Variants in MESD observed in about 807,000 individuals in gnomAD.
The protein encoded by MESD is mesoderm development LRP chaperone.
Under a neutral mutation model 12.9 loss-of-function variants are expected in MESD, and 7 were observed. The ratio of observed to expected loss-of-function variants is 0.54; its 90% CI spans 0.31 to 1.02. The LOEUF (loss-of-function observed/expected upper bound fraction) is 1.02. Among genes scored for constraint, MESD ranks in the 50% least tolerant of loss-of-function variants. The pLI is 0.05. For synonymous variants in MESD, 126 were observed against 115.6 expected, an observed-to-expected ratio of 1.09 and a Z score of -0.58; for missense variants, 342 against 296.7, an observed-to-expected ratio of 1.15 and a Z score of -1.12.
At chr15:80,975,185 A>G (rs540060695), downstream of MESD, among the ~76,000 whole-genome samples, 3 of 148,874 alleles carry the variant, frequency 2.0e-5, no homozygotes, top group Non-Finnish European at 4.5e-5. Context: ...CCCAGGCAAC[A>G]TGGTGAGACA....
rs571856723 is a variant in MESD at position 80,981,957 on chromosome 15, C to T, written c.439G>A (p.Val147Ile). The change falls in exon 2 of 3, where the codon GTC becomes ATC. Residue 147 changes from valine to isoleucine, a missense_variant. Physicochemically the swap from Val to Ile is conservative, Grantham distance 29 (BLOSUM62 3). Coordinates refer to ENST00000261758, the MANE Select transcript of MESD (RefSeq NM_015154.3). ...QGSLFNANYD[V>I]QRFIVGSDRA... Reference sequence around the variant, plus strand: ...TGGTTGTTGCTGCTTTACCTCTGGACGTCATAGTTGGCATTGAAAAGGCTG... The same window carrying T: ...TGGTTGTTGCTGCTTTACCTCTGGATGTCATAGTTGGCATTGAAAAGGCTG... The T allele has an allele frequency of 1.9e-6, 3 of 1,611,230 alleles. No individual in the cohort carries two copies. The highest frequency in any genetic ancestry group is 1.1e-5 in the South Asian group (1 of 91,020).
At chr15:80,963,611 C>T (rs531687339) in intron 3 of MESD, among the ~76,000 whole-genome samples, 1 of 152,308 alleles carries the variant, frequency 6.6e-6, no homozygotes, top group East Asian at 1.9e-4. Context: ...TCCAGCAGCA[C>T]ATCAGAAAGT....
Position 80,977,001 on chromosome 15 carries a change from C to A in MESD, c.*2218G>T, listed in dbSNP as rs1173262677. On this transcript the variant is annotated 3_prime_UTR_variant, in exon 3 of 3. Coordinates refer to ENST00000261758, the MANE Select transcript of MESD (RefSeq NM_015154.3). ...AGTGCAACCTGGACTGCCTTTCACA[C>A]CCACCCCATCACAATTAAGATCCAC... is the stretch of plus-strand genomic sequence containing the variant. 6.5e-6 allele frequency: 1 copy of A among 152,774 alleles called. No individual in the cohort carries two copies. The highest frequency in any genetic ancestry group is 2.4e-5 in the African/African-American group (1 of 41,466). The allele number at this position is 152,774 out of a possible 1,614,324, so 9.5% of individuals were successfully genotyped here.
downstream of MESD, among the ~76,000 whole-genome samples, chr15:80,973,362 C>A (rs1902332147): frequency 6.6e-6 from 1 of 151,988 alleles, no homozygotes; most frequent in Non-Finnish European, 1.5e-5. Flanking sequence ...AAAACAACAA[C>A]AACAACAACA....
chr15:80,972,799 G>T (rs1028944301), downstream of MESD, among the ~76,000 whole-genome samples: 1 of 152,208 alleles, frequency 6.6e-6, no homozygotes, highest in East Asian at 1.9e-4. Context: ...GAGGTGGGTT[G>T]ATCACGAGGT....
At chr15:80,948,515 T>A in exon 5 of MESD, 1 of 475,472 alleles carries the variant, frequency 2.1e-6, no homozygotes, top group Non-Finnish European at 3.9e-6. Flanking sequence ...TCCCTTACAG[T>A]TTGCCCCATT....
chr15:80,989,480 T>A, intron 1 of MESD, 99 bp downstream of exon 1: 1 of 1,356,366 alleles, frequency 7.4e-7, no homozygotes, highest in Non-Finnish European at 1.0e-6. Context: ...TAGAGGAGGT[T>A]AGGGGGTCAG....
intron 3 of MESD, among the ~76,000 whole-genome samples, chr15:80,959,946 AT>A (rs1309953165): frequency 6.6e-6 from 1 of 152,146 alleles, no homozygotes; most frequent in Admixed American, 6.5e-5. Flanking sequence ...ATCATGGCTG[AT>A]TTTCAGCTGC....
At chr15:80,958,190 T>G (rs565180119) in intron 3 of MESD, among the ~76,000 whole-genome samples, 45 of 152,208 alleles carry the variant, frequency 3.0e-4, no homozygotes, top group African/African-American at 1.1e-3. Context: ...TCCTCTACCC[T>G]CCCATTCGCC....
chr15:80,984,241 A>T (rs113194776), intron 1 of MESD, among the ~76,000 whole-genome samples: 3,757 of 152,144 alleles, frequency 0.025, 151 homozygotes, highest in African/African-American at 0.085. Context: ...TAATAGAACC[A>T]GGTTCCTTGG....
At position 80,989,559 on chromosome 15, in the gene MESD, G is replaced by T. The variant is rs56314660; in HGVS notation, c.213+20C>A. 6.2e-7 allele frequency: 1 copy of T among 1,609,302 alleles called. No individual in the cohort carries two copies. Among genetic ancestry groups the T allele is most frequent in the Non-Finnish European group, 8.5e-7 (1 of 1,177,354 alleles). ...GTCCCGCACAGAGAAGAGCCGGGAGGGTGTGCGCGCGCCGCGGACCTCCCA... is the reference window on the plus strand; with the variant it reads ...GTCCCGCACAGAGAAGAGCCGGGAGTGTGTGCGCGCGCCGCGGACCTCCCA... On this transcript the variant is annotated intron_variant, in intron 1 of 2. Coordinates refer to ENST00000261758, the MANE Select transcript of MESD (RefSeq NM_015154.3).
At chr15:80,949,239 G>T in intron 4 of MESD, 1 of 417,372 alleles carries the variant, frequency 2.4e-6, no homozygotes, top group South Asian at 2.1e-5. Flanking sequence ...AGGAGACCTG[G>T]GTTGTGCTGA....
intron 1 of MESD, among the ~76,000 whole-genome samples, chr15:80,987,547 G>A (rs1216271207): frequency 1.3e-5 from 2 of 150,880 alleles, no homozygotes; most frequent in Non-Finnish European, 3.0e-5. Context: ...GGAGTGCAGT[G>A]GCATGATCTT....
At chr15:80,952,739 A>G (rs113286505) in intron 3 of MESD, among the ~76,000 whole-genome samples, 4,043 of 152,296 alleles carry the variant, frequency 0.027, 177 homozygotes, top group African/African-American at 0.091. Context: ...ATACACAAAT[A>G]TATCTGGCAG....
chr15:80,957,624 G>A (rs535232140), intron 3 of MESD, among the ~76,000 whole-genome samples: 3 of 149,222 alleles, frequency 2.0e-5, no homozygotes, highest in East Asian at 2.0e-4. Context: ...ACACACACAC[G>A]AAATTGGCTC....
At chr15:80,985,771 C>A (rs1163960863) in intron 1 of MESD, among the ~76,000 whole-genome samples, 1 of 151,430 alleles carries the variant, frequency 6.6e-6, no homozygotes, top group African/African-American at 2.4e-5. Context: ...CCTATCCCAG[C>A]CTCCAGAGTA....
At chr15:80,983,078 A>T (rs916513544) in intron 1 of MESD, among the ~76,000 whole-genome samples, 3 of 151,790 alleles carry the variant, frequency 2.0e-5, no homozygotes, top group African/African-American at 7.3e-5. Flanking sequence ...CCCATCTCTT[A>T]AAAAAAATTT....
intron 3 of MESD, among the ~76,000 whole-genome samples, chr15:80,955,035 A>ACCTG (rs961759375): frequency 1.3e-5 from 2 of 151,896 alleles, no homozygotes; most frequent in Non-Finnish European, 2.9e-5. Context: ...GGTGGTTCAC[A>ACCTG]CCTGTAGCCC....
rs1353171995 is a variant in MESD, at chr15:80,977,543, C to CCT, written c.*1674_*1675dup. 1 of 152,218 alleles carries CCT rather than the reference C, an allele frequency of 6.6e-6. No individual in the cohort carries two copies. Among genetic ancestry groups the CCT allele is most frequent in the Non-Finnish European group, 1.5e-5 (1 of 68,080 alleles). 9.4% of individuals were successfully genotyped at this position (152,218 alleles called of 1,614,324 possible). A position where few individuals can be genotyped will look rare whatever the true frequency, so the allele number is the denominator to read the frequency against. ...ACAGGGCGGAGTGAAAGCTTTGCTA[C>CCT]CTTTTGCTTAATTAAAGCAATTATC... On this transcript the variant is annotated 3_prime_UTR_variant, in exon 3 of 3. Coordinates refer to ENST00000261758, the MANE Select transcript of MESD (RefSeq NM_015154.3).
Sources: allele counts gnomAD v4.1 joint callset (sites outside exome capture counted in the v4.1 genomes callset), GRCh38; gene constraint gnomAD v4.1.1; transcripts MANE v1.5; gene names NCBI Gene and HGNC (gene_info 2026-07-23, HGNC 2026-07-21).